The following RPS6KA2 variants were observed in gnomAD, a reference collection of about 807,000 sequenced individuals.
The protein encoded by RPS6KA2 is ribosomal protein S6 kinase A2.
In RPS6KA2, 42 loss-of-function variants were observed where a neutral mutation model predicts 91.8. The observed-to-expected ratio is 0.46, with a 90% CI of 0.36 to 0.59. The LOEUF is 0.59. RPS6KA2 is among the 20% of genes least tolerant of loss of function. The probability of loss-of-function intolerance (pLI) is 0.00; values close to 1 mark genes in which losing one functional copy is unlikely to be tolerated. For synonymous variants in RPS6KA2, 414 were observed against 393.6 expected (o/e 1.05, Z -0.61); for missense variants, 798 against 978.5 (o/e 0.82, Z 2.46).
At position 166,788,009 on chromosome 6, in the gene RPS6KA2, G is replaced by A. The variant is rs1778978031; in HGVS notation, c.123+70191C>T. On this transcript the variant is annotated intron_variant, in intron 2 of 21. Transcript: ENST00000503859. ...AAAAAAAAAACCAACCCATCAAAAA[G>A]TCGGCAAAGGATATGAACCGACACT... Among the ~76,000 whole-genome samples, 6 of 134,088 alleles carry A rather than the reference G, an allele frequency of 4.5e-5. No homozygotes were observed. The South Asian group carries it at 1.4e-3, about 32-fold the overall frequency. 88.0% of individuals were successfully genotyped at this position (134,088 alleles called of 152,430 possible). A position where few individuals can be genotyped will look rare whatever the true frequency, so the allele number is the denominator to read the frequency against.
At chr6:166,537,140 CA>C (rs1783505912) in intron 2 of RPS6KA2, among the ~76,000 whole-genome samples, 1 of 152,228 alleles carries the variant, frequency 6.6e-6, no homozygotes. Flanking sequence ...GGATGTATTC[CA>C]GCGCTCCTTC....
rs1562363321 is a variant in RPS6KA2 at position 166,648,192 on chromosome 6, GCTCATA to G, written c.124-109414_124-109409del. Among the ~76,000 whole-genome samples the G allele has an allele frequency of 4.5e-5, 6 of 132,032 alleles. No individual in the cohort carries two copies. The South Asian group carries it at 9.9e-4, about 22-fold the overall frequency. 86.6% of individuals were successfully genotyped at this position (132,032 alleles called of 152,430 possible). On this transcript the variant is annotated intron_variant, in intron 2 of 21. Transcript: ENST00000503859. This position sits in a 1 kb window ranked among gnomAD's most constrained non-coding sequence, Gnocchi z 4.8. ...CACATGCTCACACACATGCACACATGCTCATACACACACTCATGCACACACACGCAC... is the reference window on the plus strand; with the variant it reads ...CACATGCTCACACACATGCACACATGCACACACTCATGCACACACACGCAC...
At chr6:166,567,563 G>C (rs538815122) in intron 1 of RPS6KA2, among the ~76,000 whole-genome samples, 3 of 152,326 alleles carry the variant, frequency 2.0e-5, no homozygotes, top group African/African-American at 7.2e-5. Context: ...ACGGTACCAG[G>C]TTTCTAAGAA....
intron 2 of RPS6KA2, among the ~76,000 whole-genome samples, chr6:166,814,080 T>C (rs913571732): frequency 2.6e-5 from 4 of 152,320 alleles, no homozygotes; most frequent in Admixed American, 2.6e-4. Context: ...AAACATGAAA[T>C]ATACATAATG....
intron 2 of RPS6KA2, among the ~76,000 whole-genome samples, chr6:166,778,025 C>G (rs1216013818): frequency 6.6e-6 from 1 of 152,194 alleles, no homozygotes; most frequent in African/African-American, 2.4e-5. Flanking sequence ...TTAATAAAAT[C>G]ATAATCCAAA....
At chr6:166,670,465 T>TTAA (rs1255098635) in intron 2 of RPS6KA2, among the ~76,000 whole-genome samples, 1 of 152,164 alleles carries the variant, frequency 6.6e-6, no homozygotes, top group African/African-American at 2.4e-5. Context: ...GCCAGTAAGT[T>TTAA]TGGGGGTAAT....
intron 2 of RPS6KA2, among the ~76,000 whole-genome samples, chr6:166,735,425 G>A (rs1204168168): frequency 6.6e-6 from 1 of 152,166 alleles, no homozygotes. Context: ...GGATGAGGGT[G>A]GGGGACAGTT....
intron 14 of RPS6KA2, chr6:166,440,326 C>G (rs528944415): frequency 6.6e-6 from 1 of 152,252 alleles, no homozygotes; most frequent in Non-Finnish European, 1.5e-5. Flanking sequence ...CGTCCTCCGC[C>G]GCATGCCTGC....
intron 2 of RPS6KA2, among the ~76,000 whole-genome samples, chr6:166,646,653 C>A (rs1787612018): frequency 6.6e-6 from 1 of 152,228 alleles, no homozygotes; most frequent in South Asian, 2.1e-4. Context: ...CTCTCAGGGA[C>A]CTTCTTCGTT....
intron 13 of RPS6KA2, among the ~76,000 whole-genome samples, chr6:166,450,169 C>T (rs1779838059): frequency 1.4e-5 from 2 of 145,620 alleles, no homozygotes; most frequent in Middle Eastern, 4.1e-3. Context: ...AGGGAGACCA[C>T]CATGGGGACC....
intron 8 of RPS6KA2, among the ~76,000 whole-genome samples, chr6:166,496,562 G>T (rs1332398229): frequency 6.6e-6 from 1 of 151,908 alleles, no homozygotes; most frequent in African/African-American, 2.4e-5. Flanking sequence ...GCTTTTCTCT[G>T]CTAAGTTACT....
Position 166,450,973 on chromosome 6 carries a change from G to A in RPS6KA2, c.1206+130C>T, listed in dbSNP as rs1315765983. On this transcript the variant is annotated intron_variant, in intron 13 of 20. Coordinates refer to ENST00000265678, the MANE Select transcript of RPS6KA2 (RefSeq NM_021135.6). ...CAGAACAATGGGAAGTGTGAGGGAA[G>A]AATTGGTGATTAAAGTCCACCCATC... 6 of 1,081,422 alleles carry A rather than the reference G, an allele frequency of 5.5e-6. No homozygotes were observed. The Admixed American group carries it at 1.0e-4, about 18-fold the overall frequency. The allele number at this position is 1,081,422 out of a possible 1,614,324, so 67.0% of individuals were successfully genotyped here.
chr6:166,642,663 C>G (rs9348162), intron 2 of RPS6KA2, among the ~76,000 whole-genome samples: 47,242 of 151,960 alleles, frequency 0.31, 7,508 homozygotes, highest in East Asian at 0.41. Context: ...GTGTAATTGC[C>G]AAACTAATAG....
chr6:166,678,853 A>AT (rs1235972644), intron 2 of RPS6KA2, among the ~76,000 whole-genome samples: 1 of 152,208 alleles, frequency 6.6e-6, no homozygotes, highest in Non-Finnish European at 1.5e-5. Context: ...CAAAGCAGGT[A>AT]TTTTTTGACC....
In RPS6KA2 at chr6:166,417,960, C is replaced by T. The variant is rs111792851; in HGVS notation, c.1938+265G>A. ...AGAGTTAGTCGGGTGTGGTCGCACA[C>T]GCCTGTAGTCCCAGCTACTTGGGAG... On this transcript the variant is annotated intron_variant, in intron 19 of 20. Coordinates refer to ENST00000265678, the MANE Select transcript of RPS6KA2 (RefSeq NM_021135.6). Among the ~76,000 whole-genome samples the T allele has an allele frequency of 0.018, 2,769 of 151,876 alleles. 56 individuals carry two copies. The highest frequency in any genetic ancestry group is 0.025 in the Non-Finnish European group (1,701 of 67,944).
At chr6:166,853,204 C>A (rs1780793168) in intron 2 of RPS6KA2, among the ~76,000 whole-genome samples, 2 of 152,146 alleles carry the variant, frequency 1.3e-5, no homozygotes, top group Non-Finnish European at 2.9e-5. Context: ...TTTGGGAGGC[C>A]AAGGCGAGAG....
chr6:166,437,713 G>A lies in RPS6KA2; in HGVS notation c.1333-5223C>T, dbSNP rs1442386490. On this transcript the variant is annotated intron_variant, in intron 14 of 20. Transcript: ENST00000265678. The surrounding 1 kb of genome is among the most constrained non-coding windows in gnomAD (Gnocchi z 4.3). Reference sequence around the variant, plus strand: ...TTCAACATGGATGGCACACCACCATGATCTTCCTGAGCACGGACACATGCA... The same window carrying A: ...TTCAACATGGATGGCACACCACCATAATCTTCCTGAGCACGGACACATGCA... Among the ~76,000 whole-genome samples, 1 of 152,206 alleles carries A rather than the reference G, an allele frequency of 6.6e-6. No individual in the cohort carries two copies. Among genetic ancestry groups the A allele is most frequent in the Non-Finnish European group, 1.5e-5 (1 of 68,042 alleles).
chr6:166,578,119 T>C (rs543581409), intron 1 of RPS6KA2, among the ~76,000 whole-genome samples: 46 of 152,290 alleles, frequency 3.0e-4, no homozygotes, highest in Non-Finnish European at 5.7e-4. Context: ...TTAAACCTCT[T>C]TTTCTTCCCA....
At chr6:166,663,455 C>T (rs577470166) in intron 2 of RPS6KA2, among the ~76,000 whole-genome samples, 7 of 152,314 alleles carry the variant, frequency 4.6e-5, no homozygotes, top group Admixed American at 2.0e-4. Flanking sequence ...CTACTGAGAG[C>T]GGGTTCTCCA....
Sources: allele counts gnomAD v4.1 joint callset (sites outside exome capture counted in the v4.1 genomes callset), GRCh38; gene constraint gnomAD v4.1.1; non-coding constraint Gnocchi (gnomAD v3.1); transcripts MANE v1.5; gene names NCBI Gene and HGNC (gene_info 2026-07-23, HGNC 2026-07-21).